OR2AG2: variants seen among roughly 807,000 people sequenced by gnomAD.
OR2AG2 encodes olfactory receptor 2AG2.
For synonymous variants in OR2AG2, 167 were observed against 157.1 expected (o/e 1.06, Z -0.47); for missense variants, 390 against 391.9 (o/e 1.00, Z 0.04).
Position 6,768,904 on chromosome 11 carries a change from C to T in OR2AG2, c.54G>A (p.Leu18=), listed in dbSNP as rs775289425. Residue 18 remains leucine, a synonymous_variant, in exon 2 of 2, where the codon CTG becomes CTA. Coordinates refer to ENST00000641124, the MANE Select transcript of OR2AG2 (RefSeq NM_001004490.2). ...LGSGFILVGI[L]NDSGSPELLY... is the part of the protein sequence containing the mutation. ...GCAGTTCAGGAGACCCACTGTCATTCAGAATCCCCACCAAGATGAAGCCGC... is the reference window on the plus strand; with the variant it reads ...GCAGTTCAGGAGACCCACTGTCATTTAGAATCCCCACCAAGATGAAGCCGC... The T allele has an allele frequency of 1.2e-6, 2 of 1,613,326 alleles. No homozygotes were observed. Among genetic ancestry groups the T allele is most frequent in the African/African-American group, 2.7e-5 (2 of 74,892 alleles).
chr11:6,771,206 T>C (rs570244843), intron 1 of OR2AG2, among the ~76,000 whole-genome samples: 8 of 152,274 alleles, frequency 5.3e-5, no homozygotes, highest in Non-Finnish European at 1.0e-4. Flanking sequence ...TTACTTCATT[T>C]GGCTTTTTGT....
In OR2AG2 at chr11:6,771,969, T is replaced by A. The variant is rs1411143580; in HGVS notation, c.-885A>T. ...GATTTCATATATTCCCCTCATGCTG[T>A]GTTTCATGATAAAAGAGGAGCACAG... On this transcript the variant is annotated 5_prime_UTR_variant, in exon 1 of 2. Transcript: ENST00000641124. 1.3e-5 allele frequency: 2 copies of A among 152,324 alleles called. No homozygotes were observed. Among genetic ancestry groups the A allele is most frequent in the Middle Eastern group, 3.4e-3 (1 of 294 alleles). 9.4% of individuals were successfully genotyped at this position (152,324 alleles called of 1,614,324 possible). A position where few individuals can be genotyped will look rare whatever the true frequency, so the allele number is the denominator to read the frequency against.
chr11:6,766,281 T>C lies in OR2AG2; in HGVS notation c.*1726A>G, dbSNP rs1564897761. 6.6e-6 allele frequency: 1 copy of C among 152,106 alleles called. No individual in the cohort carries two copies. The highest frequency in any genetic ancestry group is 1.5e-5 in the Non-Finnish European group (1 of 68,010). The allele number at this position is 152,106 out of a possible 1,614,324, so 9.4% of individuals were successfully genotyped here. On this transcript the variant is annotated 3_prime_UTR_variant, in exon 2 of 2. Transcript: ENST00000641124. ...TCAAATGCGGGCACTCTGGTCTGCT[T>C]TCTCATCACTACTCTAAAATATTCC...
In OR2AG2 at chr11:6,767,860, T is replaced by A. The variant is rs1847392155; in HGVS notation, c.*147A>T. The A allele has an allele frequency of 1.4e-6, 1 of 694,910 alleles. No homozygotes were observed. Among genetic ancestry groups the A allele is most frequent in the Admixed American group, 3.0e-5 (1 of 33,136 alleles). 43.0% of individuals were successfully genotyped at this position (694,910 alleles called of 1,614,324 possible). A position where few individuals can be genotyped will look rare whatever the true frequency, so the allele number is the denominator to read the frequency against. ...TACACACCAGATTCACAGTTGAAAA[T>A]AAAAGTAAAATTTAAAAAATGTATC... On this transcript the variant is annotated 3_prime_UTR_variant, in exon 2 of 2. Coordinates refer to ENST00000641124, the MANE Select transcript of OR2AG2 (RefSeq NM_001004490.2).
Position 6,768,379 on chromosome 11 carries a change from G to A in OR2AG2, c.579C>T (p.Ser193=). The change falls in exon 2 of 2, where the codon TCC becomes TCT. Residue 193 remains serine, a synonymous_variant. Coordinates refer to ENST00000641124, the MANE Select transcript of OR2AG2 (RefSeq NM_001004490.2). ...TCACGTATATTATAAGCTCATACCT[G>A]GAGGTATCAGCACAGGCCAACTTCA... ...PLLKLACADT[S]RYELIIYVTG... is the part of the protein sequence containing the mutation. 6.2e-7 allele frequency: 1 copy of A among 1,614,036 alleles called. No individual in the cohort carries two copies. The highest frequency in any genetic ancestry group is 8.5e-7 in the Non-Finnish European group (1 of 1,179,926).
chr11:6,766,598 C>G lies in OR2AG2; in HGVS notation c.*1409G>C, dbSNP rs1229054611. 6.6e-6 allele frequency: 1 copy of G among 152,028 alleles called. No homozygotes were observed. 9.4% of individuals were successfully genotyped at this position (152,028 alleles called of 1,614,324 possible). ...AGAATTATTGTGTTTTGACAAAGCA[C>G]TATTCTCAAGAATAATAACACCTAT... is the stretch of plus-strand genomic sequence containing the variant. On this transcript the variant is annotated 3_prime_UTR_variant, in exon 2 of 2. Coordinates refer to ENST00000641124, the MANE Select transcript of OR2AG2 (RefSeq NM_001004490.2).
In OR2AG2 at chr11:6,769,154, G is replaced by A. The variant is rs748003344; in HGVS notation, c.-197C>T. ...TTGAAATAAACCATCAGCTAAACTG[G>A]TATCAGGTATTTTGACATGTTGTTA... On this transcript the variant is annotated 5_prime_UTR_variant, in exon 2 of 2. Transcript: ENST00000641124. 1.9e-6 allele frequency: 1 copy of A among 531,808 alleles called. No homozygotes were observed. The highest frequency in any genetic ancestry group is 3.3e-6 in the Non-Finnish European group (1 of 302,862). The allele number at this position is 531,808 out of a possible 1,614,324, so 32.9% of individuals were successfully genotyped here.
chr11:6,766,189 A>G lies in OR2AG2; in HGVS notation c.*1818T>C, dbSNP rs1046572308. The G allele has an allele frequency of 5.9e-5, 9 of 152,308 alleles. No homozygotes were observed. The highest frequency in any genetic ancestry group is 2.2e-4 in the African/African-American group (9 of 41,574). The allele number at this position is 152,308 out of a possible 1,614,324, so 9.4% of individuals were successfully genotyped here. ...AAATATCACCACTTTTAACATCAGC[A>G]GACTAAGGTACAAAGAGTTTAATTT... On this transcript the variant is annotated 3_prime_UTR_variant, in exon 2 of 2. Coordinates refer to ENST00000641124, the MANE Select transcript of OR2AG2 (RefSeq NM_001004490.2).
rs1043280153 is a variant in OR2AG2, at chr11:6,765,863, A to G, written c.*2144T>C. The G allele has an allele frequency of 2.6e-5, 4 of 152,150 alleles. No individual in the cohort carries two copies. The highest frequency in any genetic ancestry group is 1.9e-4 in the East Asian group (1 of 5,202). 9.4% of individuals were successfully genotyped at this position (152,150 alleles called of 1,614,324 possible). A position where few individuals can be genotyped will look rare whatever the true frequency, so the allele number is the denominator to read the frequency against. ...TTTAACTTTTCCTAATGCAAAAAAGATAAGTATGTGGAGTAAAGCATATGT... is the reference window on the plus strand; with the variant it reads ...TTTAACTTTTCCTAATGCAAAAAAGGTAAGTATGTGGAGTAAAGCATATGT... On this transcript the variant is annotated 3_prime_UTR_variant, in exon 2 of 2. Coordinates refer to ENST00000641124, the MANE Select transcript of OR2AG2 (RefSeq NM_001004490.2).
Position 6,769,178 on chromosome 11 carries a change from T to C in OR2AG2, c.-221A>G. 2.0e-6 allele frequency: 1 copy of C among 494,236 alleles called. No homozygotes were observed. Among genetic ancestry groups the C allele is most frequent in the South Asian group, 4.0e-5 (1 of 25,128 alleles). 30.6% of individuals were successfully genotyped at this position (494,236 alleles called of 1,614,324 possible). On this transcript the variant is annotated 5_prime_UTR_variant, in exon 2 of 2. It removes the in-frame stop codon of an upstream open reading frame in the 5' UTR. Transcript: ENST00000641124. ...GGTATCAGGTATTTTGACATGTTGT[T>C]AATAGTAATCATTTAGAAATCCCTT...
rs1331129216 is a variant in OR2AG2 at position 6,765,881 on chromosome 11, G to A, written c.*2126C>T. The A allele has an allele frequency of 6.6e-6, 1 of 152,066 alleles. No individual in the cohort carries two copies. Among genetic ancestry groups the A allele is most frequent in the Non-Finnish European group, 1.5e-5 (1 of 67,978 alleles). The allele number at this position is 152,066 out of a possible 1,614,324, so 9.4% of individuals were successfully genotyped here. On this transcript the variant is annotated 3_prime_UTR_variant, in exon 2 of 2. Transcript: ENST00000641124. ...AAAAAAGATAAGTATGTGGAGTAAA[G>A]CATATGTTAGTTGGCTTGATTTAGC...
rs117307157 is a variant in OR2AG2, at chr11:6,771,064, G to A, written c.-538+558C>T. Among the ~76,000 whole-genome samples the A allele has an allele frequency of 7.6e-3, 1,163 of 152,298 alleles. 7 individuals carry two copies. Among genetic ancestry groups the A allele is most frequent in the Non-Finnish European group, 0.013 (912 of 68,030 alleles). On this transcript the variant is annotated intron_variant, in intron 1 of 1. Transcript: ENST00000641124. ...TTCAAACCAAGAGAAGTCAGCAGAG[G>A]CTGATATTAAGAGGCATTGCTATAG...
rs557092337 is a variant in OR2AG2, at chr11:6,771,895, C to T, written c.-811G>A. On this transcript the variant is annotated 5_prime_UTR_variant, in exon 1 of 2. Transcript: ENST00000641124. ...CATTCACTGTCCTTGCGAGAAAGTC[C>T]TTACTGCTTTGGAATGGTTCTAGCT... is the stretch of plus-strand genomic sequence containing the variant. 1 of 152,342 alleles carries T rather than the reference C, an allele frequency of 6.6e-6. No individual in the cohort carries two copies. Among genetic ancestry groups the T allele is most frequent in the South Asian group, 2.1e-4 (1 of 4,820 alleles). The allele number at this position is 152,342 out of a possible 1,614,324, so 9.4% of individuals were successfully genotyped here. A position where few individuals can be genotyped will look rare whatever the true frequency, so the allele number is the denominator to read the frequency against.
In OR2AG2 at chr11:6,769,029, C is replaced by T; in HGVS notation, c.-72G>A. On this transcript the variant is annotated 5_prime_UTR_variant, in exon 2 of 2. Coordinates refer to ENST00000641124, the MANE Select transcript of OR2AG2 (RefSeq NM_001004490.2). ...GCTTTTCTAAAGGTGTTCACTCTAGCTTTGGATTGTTCTAGGTCACTGTGC... is the reference window on the plus strand; with the variant it reads ...GCTTTTCTAAAGGTGTTCACTCTAGTTTTGGATTGTTCTAGGTCACTGTGC... 2 of 1,115,632 alleles carry T rather than the reference C, an allele frequency of 1.8e-6. No homozygotes were observed. The highest frequency in any genetic ancestry group is 2.4e-5 in the East Asian group (1 of 41,200). 69.1% of individuals were successfully genotyped at this position (1,115,632 alleles called of 1,614,324 possible).
intron 1 of OR2AG2, among the ~76,000 whole-genome samples, chr11:6,771,202 C>T (rs1194105315): frequency 2.6e-5 from 4 of 152,192 alleles, no homozygotes; most frequent in African/African-American, 9.6e-5. Flanking sequence ...GTATTTACTT[C>T]ATTTGGCTTT....
chr11:6,770,030 C>T (rs1847432763), intron 1 of OR2AG2, among the ~76,000 whole-genome samples: 1 of 152,144 alleles, frequency 6.6e-6, no homozygotes, highest in Non-Finnish European at 1.5e-5. Context: ...CCATAATCTG[C>T]ACCTACTTCT....
At position 6,768,564 on chromosome 11, in the gene OR2AG2, A is replaced by G; in HGVS notation, c.394T>C (p.Tyr132His). 9 of 1,614,124 alleles carry G rather than the reference A, an allele frequency of 5.6e-6. No individual in the cohort carries two copies. The highest frequency in any genetic ancestry group is 7.6e-6 in the Non-Finnish European group (9 of 1,180,010). ...ACTCTTGGGCTCATGAGGGTCATGTATTTCAGAGGATGACAAATGGCCACA... is the reference window on the plus strand; with the variant it reads ...ACTCTTGGGCTCATGAGGGTCATGTGTTTCAGAGGATGACAAATGGCCACA... Reference protein sequence around the residue: ...RYVAICHPLKYMTLMSPRVCW... With the variant: ...RYVAICHPLKHMTLMSPRVCW... Residue 132 changes from tyrosine (Y) to histidine (H), a missense_variant, in exon 2 of 2, where the codon TAC becomes CAC. By Grantham distance (83) the Tyr-to-His change is moderately conservative. Coordinates refer to ENST00000641124, the MANE Select transcript of OR2AG2 (RefSeq NM_001004490.2).
rs1289000930 is a variant in OR2AG2 at position 6,768,346 on chromosome 11, C to G, written c.612G>C (p.Val204=). The G allele has an allele frequency of 1.2e-6, 2 of 1,613,920 alleles. No homozygotes were observed. The highest frequency in any genetic ancestry group is 1.7e-6 in the Non-Finnish European group (2 of 1,179,986). ...RYELIIYVTG[V]TFLLLPISAI... is the part of the protein sequence containing the mutation. ...CAGAAATGGGGAGCAAGAGGAAAGT[C>G]ACACCTGTCACGTATATTATAAGCT... is the stretch of plus-strand genomic sequence containing the variant. Residue 204 remains valine, a synonymous_variant, in exon 2 of 2, where the codon GTG becomes GTC. Transcript: ENST00000641124.
At chr11:6,769,682 G>C (rs1011138573) in intron 1 of OR2AG2, among the ~76,000 whole-genome samples, 188 bp from the exon 2 acceptor site, 1 of 152,226 alleles carries the variant, frequency 6.6e-6, no homozygotes, top group Non-Finnish European at 1.5e-5. Context: ...TAGGGCACAT[G>C]ATACAAGGGG....
Sources: gnomAD v4.1 joint callset for allele counts (sites outside exome capture counted in the v4.1 genomes callset) on GRCh38, gnomAD v4.1.1 for gene constraint, MANE v1.5 for transcripts, NCBI Gene and HGNC (gene_info 2026-07-23, HGNC 2026-07-21) for gene names.